Variants in CDK5RAP2 observed in about 807,000 individuals in gnomAD.
CDK5RAP2 encodes CDK5 regulatory subunit-associated protein 2.
In CDK5RAP2, 147 loss-of-function variants were observed where a neutral mutation model predicts 232.9. The observed-to-expected ratio is 0.63, with a 90% confidence interval of 0.55 to 0.72. The LOEUF is 0.72. CDK5RAP2 is among the 30% of genes least tolerant of loss of function. The pLI is 0.00. For missense variants in CDK5RAP2, 2,195 were observed against 2,231.5 expected, an observed-to-expected ratio of 0.98 and a Z score of 0.33; for synonymous variants, 833 against 833.7, an observed-to-expected ratio of 1.00 and a Z score of 0.01.
chr9:120,478,887 C>T (rs2038161372), intron 14 of CDK5RAP2, among the ~76,000 whole-genome samples: 2 of 151,902 alleles, frequency 1.3e-5, no homozygotes, highest in Non-Finnish European at 2.9e-5. Flanking sequence ...GTGAGATGAT[C>T]GATATGCCAA....
chr9:120,447,438 A>C (rs999684434), intron 22 of CDK5RAP2, among the ~76,000 whole-genome samples: 1 of 152,186 alleles, frequency 6.6e-6, no homozygotes, highest in Non-Finnish European at 1.5e-5. Flanking sequence ...CAGCAGGTTC[A>C]AAGAGGGTGG....
intron 12 of CDK5RAP2, among the ~76,000 whole-genome samples, chr9:120,509,130 G>A (rs533514143): frequency 3.3e-5 from 5 of 152,296 alleles, no homozygotes; most frequent in Admixed American, 1.3e-4. Flanking sequence ...AGAGCGCTCC[G>A]ACTCCCTTCT....
intron 16 of CDK5RAP2, among the ~76,000 whole-genome samples, chr9:120,471,076 A>G (rs1320151752): frequency 6.6e-6 from 1 of 152,194 alleles, no homozygotes; most frequent in African/African-American, 2.4e-5. Context: ...TTAGGTGCCT[A>G]GCACTGTGCC....
At chr9:120,576,094 C>T (rs1001963677) in intron 1 of CDK5RAP2, among the ~76,000 whole-genome samples, 2 of 152,180 alleles carry the variant, frequency 1.3e-5, no homozygotes, top group Non-Finnish European at 2.9e-5. Flanking sequence ...GAGCTACCAA[C>T]GGGCCACAGT....
chr9:120,515,309 C>T (rs1005266958), intron 12 of CDK5RAP2, among the ~76,000 whole-genome samples: 5 of 152,044 alleles, frequency 3.3e-5, no homozygotes, highest in African/African-American at 1.2e-4. Flanking sequence ...CAAATCTCAC[C>T]CCTTTCATTC....
At chr9:120,471,110 G>A (rs1404795218) in intron 16 of CDK5RAP2, among the ~76,000 whole-genome samples, 1 of 152,212 alleles carries the variant, frequency 6.6e-6, no homozygotes, top group Non-Finnish European at 1.5e-5. Context: ...ATGCTCAAGA[G>A]ATGTCAAACC....
chr9:120,463,239 C>G (rs985531512), intron 18 of CDK5RAP2, among the ~76,000 whole-genome samples: 8 of 152,048 alleles, frequency 5.3e-5, no homozygotes, highest in African/African-American at 1.7e-4. Flanking sequence ...GGCATGGTGG[C>G]GGGCGCCTGT....
At chr9:120,457,357 C>T (rs2036839708) in intron 20 of CDK5RAP2, among the ~76,000 whole-genome samples, 1 of 152,170 alleles carries the variant, frequency 6.6e-6, no homozygotes, top group Non-Finnish European at 1.5e-5. Context: ...AAGTACATTC[C>T]CACATGGCCC....
intron 12 of CDK5RAP2, among the ~76,000 whole-genome samples, chr9:120,514,304 T>C (rs2040225218): frequency 6.6e-6 from 1 of 152,116 alleles, no homozygotes; most frequent in Non-Finnish European, 1.5e-5. Flanking sequence ...TACCACTTTT[T>C]CTGGGTACCC....
chr9:120,393,137 C>A (rs1314143319), intron 36 of CDK5RAP2, among the ~76,000 whole-genome samples: 1 of 134,106 alleles, frequency 7.5e-6, no homozygotes, highest in African/African-American at 2.7e-5. Context: ...TGCCCCTTCG[C>A]TGACAAATTC....
At chr9:120,481,399 G>A (rs2038298446) in intron 14 of CDK5RAP2, among the ~76,000 whole-genome samples, 2 of 151,740 alleles carry the variant, frequency 1.3e-5, no homozygotes, top group East Asian at 3.9e-4. Flanking sequence ...ATTGTTTCTT[G>A]AGCACCTAAC....
At chr9:120,428,585 T>C (rs1588307274) in intron 25 of CDK5RAP2, among the ~76,000 whole-genome samples, 4 of 152,280 alleles carry the variant, frequency 2.6e-5, no homozygotes, top group South Asian at 2.1e-4. Flanking sequence ...AATAGACCAA[T>C]AACAGGATCT....
intron 14 of CDK5RAP2, among the ~76,000 whole-genome samples, chr9:120,482,933 T>C (rs1428316857): frequency 2.6e-5 from 4 of 152,196 alleles, no homozygotes; most frequent in African/African-American, 9.7e-5. Flanking sequence ...CGTTGAATCA[T>C]GCCCCATTAG....
At chr9:120,569,192 A>G (rs1239718432) in intron 2 of CDK5RAP2, among the ~76,000 whole-genome samples, 2 of 152,172 alleles carry the variant, frequency 1.3e-5, no homozygotes, top group Admixed American at 1.3e-4. Context: ...GTGTTCAGTA[A>G]ATGTGTGCTG....
At chr9:120,390,673 G>C (rs890447300) in intron 36 of CDK5RAP2, among the ~76,000 whole-genome samples, 12 of 152,156 alleles carry the variant, frequency 7.9e-5, no homozygotes, top group Admixed American at 7.2e-4. Context: ...AGGGCTTGGT[G>C]AGAGTAAGAT....
intron 3 of CDK5RAP2, among the ~76,000 whole-genome samples, chr9:120,554,514 C>T (rs1384151430): frequency 6.6e-6 from 1 of 152,202 alleles, no homozygotes; most frequent in Non-Finnish European, 1.5e-5. Flanking sequence ...AGACATGCTA[C>T]TTCTTTGAGC....
rs142554102 is a variant in CDK5RAP2 at position 120,402,890 on chromosome 9, G to C, written c.5223C>G (p.Ile1741Met). ...CAGCAAGGAGCCTCTGTCCCTGGCT[G>C]ATCTGTTTGAGCAGGGCCTCATAGT... is the stretch of plus-strand genomic sequence containing the variant. ...IEDYEALLKQ[I>M]SQGQRLLAEM... The change falls in exon 34 of 38, where the codon ATC (isoleucine) becomes ATG (methionine). Residue 1741 changes from isoleucine (I) to methionine (M), a missense_variant. Ile to Met is a conservative substitution (Grantham distance 10, BLOSUM62 1). Transcript: ENST00000349780. 3 of 1,613,976 alleles carry C rather than the reference G, an allele frequency of 1.9e-6. No homozygotes were observed. Among genetic ancestry groups the C allele is most frequent in the Admixed American group, 1.7e-5 (1 of 60,004 alleles).
intron 5 of CDK5RAP2, among the ~76,000 whole-genome samples, chr9:120,543,241 T>C (rs948152003): frequency 6.6e-6 from 1 of 152,204 alleles, no homozygotes; most frequent in Admixed American, 6.5e-5. Flanking sequence ...CTGGACTAGC[T>C]TCCTGACTGG....
chr9:120,470,454 T>C (rs543806588), intron 16 of CDK5RAP2, among the ~76,000 whole-genome samples: 1 of 152,318 alleles, frequency 6.6e-6, no homozygotes, highest in Admixed American at 6.5e-5. Context: ...TCTTAGGCCG[T>C]AGGTTTTCAC....
Sources: gnomAD v4.1 joint callset for allele counts (sites outside exome capture counted in the v4.1 genomes callset) on GRCh38, gnomAD v4.1.1 for gene constraint, MANE v1.5 for transcripts, NCBI Gene and HGNC (gene_info 2026-07-23, HGNC 2026-07-21) for gene names.